The following CUBN variants were observed in gnomAD, a reference collection of about 807,000 sequenced individuals.
CUBN encodes the protein cubilin.
A neutral mutation model predicts 405.3 loss-of-function variants in CUBN; 282 were observed. That is an observed-to-expected ratio of 0.70 (90% CI 0.63 to 0.77). CUBN has a LOEUF of 0.77. CUBN is among the 30% of genes least tolerant of loss of function. The pLI is 0.00. For missense variants in CUBN, 4,514 were observed against 4,475.2 expected (o/e 1.01, Z -0.25); for synonymous variants, 1,684 against 1,617.0 (o/e 1.04, Z -0.99).
chr10:17,028,460 C>T (rs1333880236), intron 27 of CUBN, among the ~76,000 whole-genome samples: 1 of 151,862 alleles, frequency 6.6e-6, no homozygotes, highest in Non-Finnish European at 1.5e-5. Flanking sequence ...ATGGTTCACG[C>T]CTGTAATCCC....
intron 31 of CUBN, among the ~76,000 whole-genome samples, chr10:16,981,917 C>T (rs558226622): frequency 1.3e-5 from 2 of 152,178 alleles, no homozygotes; most frequent in African/African-American, 4.8e-5. Context: ...TGGATTTGTT[C>T]AAGTAGCAAA....
intron 27 of CUBN, among the ~76,000 whole-genome samples, chr10:17,035,596 T>G (rs1834877805): frequency 6.6e-6 from 1 of 152,202 alleles, no homozygotes; most frequent in Admixed American, 6.5e-5. Context: ...AGAGCTGATT[T>G]TGTAATCTTG....
rs751019710 is a variant in CUBN, at chr10:16,906,216, G to A, written c.7899C>T (p.Leu2633=). The change falls in exon 50 of 67, where the codon CTC becomes CTT. Residue 2633 remains leucine (L), a synonymous_variant. Coordinates refer to ENST00000377833, the MANE Select transcript of CUBN (RefSeq NM_001081.4). Reference sequence around the variant, plus strand: ...GATAGAACTCACCCACTCGAAACTCGAGGACATCAAATTGACAGTCTTGGT... The same window carrying A: ...GATAGAACTCACCCACTCGAAACTCAAGGACATCAAATTGACAGTCTTGGT... ...ESHQDCQFDV[L]EFRVGDADGP... The A allele has an allele frequency of 2.9e-5, 47 of 1,612,576 alleles. No individual in the cohort carries two copies. In the Middle Eastern group the frequency reaches 4.9e-4, roughly 17 times the overall value.
At chr10:16,966,749 C>A (rs933904522) in intron 31 of CUBN, among the ~76,000 whole-genome samples, 1 of 152,174 alleles carries the variant, frequency 6.6e-6, no homozygotes, top group East Asian at 1.9e-4. Context: ...GTGCCAGTCC[C>A]GCTTTGCTAC....
chr10:16,869,552 G>C, intron 59 of CUBN, 84 bp downstream of exon 59: 1 of 983,206 alleles, frequency 1.0e-6, no homozygotes, highest in Non-Finnish European at 1.6e-6. Flanking sequence ...ATAATCAGGT[G>C]GGGGTGGGGG....
chr10:17,023,014 C>T (rs1834539113), intron 27 of CUBN, among the ~76,000 whole-genome samples: 1 of 152,176 alleles, frequency 6.6e-6, no homozygotes, highest in African/African-American at 2.4e-5. Flanking sequence ...CAATCCTGCA[C>T]AAGGTCATGA....
intron 60 of CUBN, among the ~76,000 whole-genome samples, chr10:16,845,019 T>G (rs1839473608): frequency 6.6e-6 from 1 of 152,204 alleles, no homozygotes; most frequent in Non-Finnish European, 1.5e-5. Flanking sequence ...GAATGTTATA[T>G]TTTCTCAACT....
rs1443227206 is a variant in CUBN, at chr10:16,925,745, CTCTG to C, written c.6297_6300del (p.Asp2099GlufsTer29). 6.2e-7 allele frequency: 1 copy of C among 1,613,966 alleles called. No homozygotes were observed. Among genetic ancestry groups the C allele is most frequent in the South Asian group, 1.1e-5 (1 of 91,068 alleles). ...GGATACTTGGGGGACGTGATGATCC[CTCTG>C]TCTGCATGCAAATATCCACCGCAGC... On this transcript the variant is annotated frameshift_variant, in exon 42 of 67. Coordinates refer to ENST00000377833, the MANE Select transcript of CUBN (RefSeq NM_001081.4). LOFTEE classifies it high-confidence loss of function.
At chr10:16,918,278 C>A (rs957706631) in intron 45 of CUBN, among the ~76,000 whole-genome samples, 1 of 152,062 alleles carries the variant, frequency 6.6e-6, no homozygotes, top group African/African-American at 2.4e-5. Context: ...TATTTGGGTT[C>A]TTTTTGGGGT....
rs141758276 is a variant in CUBN at position 16,831,727 on chromosome 10, G to C, written c.10363-310C>G. On this transcript the variant is annotated intron_variant, in intron 64 of 66. Transcript: ENST00000377833. ...TGTGATCCTGCAGCCTTTGCTTTTG[G>C]GGAAACATTCTGGAGAATGTAGGTA... Among the ~76,000 whole-genome samples the C allele has an allele frequency of 8.2e-3, 1,252 of 152,222 alleles. 20 individuals carry two copies. The highest frequency in any genetic ancestry group is 0.028 in the African/African-American group (1,169 of 41,532).
chr10:16,889,534 A>G (rs1299641018), intron 55 of CUBN, among the ~76,000 whole-genome samples: 2 of 152,174 alleles, frequency 1.3e-5, no homozygotes, highest in Non-Finnish European at 2.9e-5. Flanking sequence ...TCCTAATCAA[A>G]ATTAGGAAAG....
At chr10:16,899,840 G>T (rs1351708998) in intron 53 of CUBN, among the ~76,000 whole-genome samples, 3 of 152,192 alleles carry the variant, frequency 2.0e-5, no homozygotes, top group African/African-American at 7.2e-5. Flanking sequence ...GCCAGTGGTT[G>T]TTAACCAGGG....
rs769736557 is a variant in CUBN at position 17,104,593 on chromosome 10, C to G, written c.1243G>C (p.Gly415Arg). 3 of 1,613,016 alleles carry G rather than the reference C, an allele frequency of 1.9e-6. No homozygotes were observed. Among genetic ancestry groups the G allele is most frequent in the Non-Finnish European group, 2.5e-6 (3 of 1,179,650 alleles). Residue 415 changes from glycine (G) to arginine (R), a missense_variant, in exon 12 of 67, where the codon GGT (glycine) becomes CGT (arginine). By Grantham distance (125) the Gly-to-Arg change is moderately radical (BLOSUM62 -2). Around this residue, in one of 5 missense-constraint regions of CUBN, gnomAD observed 1,448 missense variants for 1,388.0 expected, o/e 1.04. Transcript: ENST00000377833. ...LNGQCIDTVS[G>R]YFCKCDSGWT... ...CCTGAGTCACACTTACAAAAATAAC[C>G]AGAGACAGTGTCCTAAGGGGAAAAA...
rs1841585963 is a variant in CUBN at position 16,907,490 on chromosome 10, TACA to T, written c.7705+15_7705+17del. 2 of 1,613,996 alleles carry T rather than the reference TACA, an allele frequency of 1.2e-6. No homozygotes were observed. Among genetic ancestry groups the T allele is most frequent in the East Asian group, 4.5e-5 (2 of 44,866 alleles). Reference sequence around the variant, plus strand: ...GCCCCTGATTAAAATGGGGGGCATTTACAACATCCTACATTACCTGCATCTTCA... The same window carrying T: ...GCCCCTGATTAAAATGGGGGGCATTTACATCCTACATTACCTGCATCTTCA... On this transcript the variant is annotated intron_variant, in intron 49 of 66. Coordinates refer to ENST00000377833, the MANE Select transcript of CUBN (RefSeq NM_001081.4).
chr10:16,939,027 A>G lies in CUBN; in HGVS notation c.5669T>C (p.Val1890Ala). Reference sequence around the variant, plus strand: ...GTCCATCTCCAAGATTCTACCATGGACAACGTGAGATGCATTCACATTTAC... The same window carrying G: ...GTCCATCTCCAAGATTCTACCATGGGCAACGTGAGATGCATTCACATTTAC... ...WTVNVNASHV[V>A]HGRILEMDIE... Residue 1890 changes from valine (V) to alanine (A), a missense_variant, in exon 38 of 67, where the codon GTC becomes GCC. This residue lies in a region of CUBN where 1,613 missense variants were observed against 1,542.8 expected (regional missense o/e 1.05). Coordinates refer to ENST00000377833, the MANE Select transcript of CUBN (RefSeq NM_001081.4). 2 of 1,613,960 alleles carry G rather than the reference A, an allele frequency of 1.2e-6. No homozygotes were observed. Among genetic ancestry groups the G allele is most frequent in the Non-Finnish European group, 1.7e-6 (2 of 1,179,854 alleles).
rs759298442 is a variant in CUBN at position 16,928,118 on chromosome 10, T to G, written c.6271+39A>C. 8 of 1,599,224 alleles carry G rather than the reference T, an allele frequency of 5.0e-6. No homozygotes were observed. The East Asian group carries it at 1.3e-4, about 27-fold the overall frequency. On this transcript the variant is annotated intron_variant, in intron 41 of 66. Coordinates refer to ENST00000377833, the MANE Select transcript of CUBN (RefSeq NM_001081.4). Reference sequence around the variant, plus strand: ...GAAAGAGAGAGGAAAAGAGAGGAGATGAGATAACATGGGATTAAAAAATAT... The same window carrying G: ...GAAAGAGAGAGGAAAAGAGAGGAGAGGAGATAACATGGGATTAAAAAATAT...
intron 43 of CUBN, 133 bp downstream of exon 43, chr10:16,925,108 A>G: frequency 1.5e-6 from 1 of 680,692 alleles, no homozygotes; most frequent in South Asian, 1.8e-5. Context: ...TGAATGTATC[A>G]AATATAATAA....
chr10:16,846,593 C>T (rs1181975533), intron 60 of CUBN, among the ~76,000 whole-genome samples: 4 of 151,980 alleles, frequency 2.6e-5, no homozygotes, highest in Non-Finnish European at 5.9e-5. Context: ...AGGTGGATCA[C>T]CTAAGGTCAG....
At chr10:17,110,094 T>C (rs910814080) in intron 9 of CUBN, among the ~76,000 whole-genome samples, 3 of 152,206 alleles carry the variant, frequency 2.0e-5, no homozygotes, top group Admixed American at 2.0e-4. Context: ...TGTAGTTCCA[T>C]GTTATTTAAA....
Sources: allele counts gnomAD v4.1 joint callset (sites outside exome capture counted in the v4.1 genomes callset), GRCh38; gene constraint gnomAD v4.1.1; regional missense constraint gnomAD v4.1.1; transcripts MANE v1.5; gene names NCBI Gene and HGNC (gene_info 2026-07-23, HGNC 2026-07-21).